PDIK1L: variants seen among roughly 807,000 people sequenced by gnomAD.
PDIK1L encodes the protein PDLIM1 interacting kinase 1 like.
Under a neutral mutation model 27.1 loss-of-function variants are expected in PDIK1L, and 9 were observed. The ratio of observed to expected loss-of-function variants is 0.33; its 90% CI spans 0.20 to 0.58. The LOEUF (loss-of-function observed/expected upper bound fraction) is 0.58, where lower values mean the gene tolerates loss of function less well. PDIK1L is among the 20% of genes least tolerant of loss of function. The pLI is 0.86. For missense variants in PDIK1L, 216 were observed against 413.2 expected, an observed-to-expected ratio of 0.52 and a Z score of 4.14; for synonymous variants, 130 against 141.7, an observed-to-expected ratio of 0.92 and a Z score of 0.59.
chr1:26,119,153 A>G lies in PDIK1L; in HGVS notation c.286-2684A>G, dbSNP rs947848393. Among the ~76,000 whole-genome samples the G allele has an allele frequency of 5.3e-5, 8 of 152,242 alleles. 1 individual carries two copies. Among genetic ancestry groups the G allele is most frequent in the African/African-American group, 9.6e-5 (4 of 41,466 alleles). On this transcript the variant is annotated intron_variant, in intron 2 of 2. Coordinates refer to ENST00000374269, the MANE Select transcript of PDIK1L (RefSeq NM_152835.5). The stretch of plus-strand genomic sequence containing the variant: ...CTGGACGCAGTGGCTTACGCCTGCA[A>G]TCCCAGCACTTTGGGAGGCTGAGGC...
intron 1 of PDIK1L, among the ~76,000 whole-genome samples, chr1:26,113,537 C>CA: frequency 1.4e-5 from 2 of 146,872 alleles, no homozygotes; most frequent in East Asian, 3.9e-4. Flanking sequence ...TTCTTTTCCA[C>CA]AAACTTTATT....
chr1:26,117,836 T>C (rs2087905707), intron 2 of PDIK1L, among the ~76,000 whole-genome samples: 1 of 152,050 alleles, frequency 6.6e-6, no homozygotes, highest in South Asian at 2.1e-4. Context: ...GGCAGGCAGA[T>C]CACTTGAGGC....
intron 2 of PDIK1L, among the ~76,000 whole-genome samples, chr1:26,118,693 C>T (rs1448488869): frequency 6.6e-6 from 1 of 152,176 alleles, no homozygotes; most frequent in Non-Finnish European, 1.5e-5. Flanking sequence ...GTAATTGGTA[C>T]CTCTATTAAA....
Position 26,114,324 on chromosome 1 carries a change from C to G in PDIK1L, c.16C>G (p.Pro6Ala). Residue 6 changes from proline to alanine, a missense_variant, in exon 2 of 3, where the codon CCA becomes GCA. Physicochemically the swap from Pro to Ala is conservative, Grantham distance 27. Coordinates refer to ENST00000374269, the MANE Select transcript of PDIK1L (RefSeq NM_152835.5). This position sits in a 1 kb window ranked among gnomAD's most constrained non-coding sequence, Gnocchi z 4.8. The part of the protein sequence containing the change: MVSSQ[P>A]KYDLIREVGR... The stretch of plus-strand genomic sequence containing the variant: ...GACCTTGAAGATGGTGAGTAGCCAG[C>G]CAAAGTACGATCTAATACGGGAGGT... The G allele has an allele frequency of 6.2e-7, 1 of 1,610,126 alleles. No homozygotes were observed. Among genetic ancestry groups the G allele is most frequent in the Non-Finnish European group, 8.5e-7 (1 of 1,176,612 alleles).
chr1:26,117,152 C>T (rs2087893377), intron 2 of PDIK1L, among the ~76,000 whole-genome samples: 3 of 151,262 alleles, frequency 2.0e-5, no homozygotes, highest in African/African-American at 7.3e-5. Context: ...CTGGCTCAAC[C>T]TCCTGAGTAG....
rs1489308982 is a variant in PDIK1L, at chr1:26,122,700, T to C, written c.*123T>C. On this transcript the variant is annotated 3_prime_UTR_variant, in exon 3 of 3. Coordinates refer to ENST00000374269, the MANE Select transcript of PDIK1L (RefSeq NM_152835.5). The surrounding 1 kb of genome is among the most constrained non-coding windows in gnomAD (Gnocchi z 5.4). Reference sequence around the variant, plus strand: ...ACCCTCTAAGGGTTTAGATTTTTTGTGGGATTTTTTTTTTCCTCATTTTTC... The same window carrying C: ...ACCCTCTAAGGGTTTAGATTTTTTGCGGGATTTTTTTTTTCCTCATTTTTC... The C allele has an allele frequency of 4.9e-6, 6 of 1,214,736 alleles. No individual in the cohort carries two copies. The East Asian group carries it at 1.3e-4, about 27-fold the overall frequency. The allele number at this position is 1,214,736 out of a possible 1,614,324, so 75.2% of individuals were successfully genotyped here.
At position 26,122,292 on chromosome 1, in the gene PDIK1L, C is replaced by T. The variant is rs758421495; in HGVS notation, c.741C>T (p.Ile247=). Residue 247 remains isoleucine (I), a synonymous_variant, in exon 3 of 3, where the codon ATC becomes ATT. Coordinates refer to ENST00000374269, the MANE Select transcript of PDIK1L (RefSeq NM_152835.5). This position sits in a 1 kb window ranked among gnomAD's most constrained non-coding sequence, Gnocchi z 5.4. ...KADIFALGII[I]WAMLERITFI... is the part of the protein sequence containing the mutation. ...ACATCTTTGCTCTGGGGATTATCAT[C>T]TGGGCAATGCTGGAAAGGATCACAT... The T allele has an allele frequency of 1.2e-6, 2 of 1,614,170 alleles. No individual in the cohort carries two copies. Among genetic ancestry groups the T allele is most frequent in the Admixed American group, 1.7e-5 (1 of 60,010 alleles).
intron 2 of PDIK1L, among the ~76,000 whole-genome samples, chr1:26,117,150 ACCT>A (rs2087893322): frequency 6.7e-6 from 1 of 148,834 alleles, no homozygotes; most frequent in South Asian, 2.1e-4. Context: ...TCCTGGCTCA[ACCT>A]CCTGAGTAGT....
At chr1:26,120,941 A>G (rs2087972175) in intron 2 of PDIK1L, among the ~76,000 whole-genome samples, 1 of 115,490 alleles carries the variant, frequency 8.7e-6, no homozygotes, top group African/African-American at 3.2e-5. Flanking sequence ...ACAGAGCAAG[A>G]CTCCGTCTCA....
upstream of PDIK1L, chr1:26,111,223 C>T: frequency 6.4e-6 from 1 of 155,404 alleles, no homozygotes; most frequent in Non-Finnish European, 1.4e-5. The surrounding 1 kb of genome is among the most constrained non-coding windows in gnomAD (Gnocchi z 4.0). Context: ...AACTGCACCG[C>T]CCGCAAACAT....
intron 1 of PDIK1L, among the ~76,000 whole-genome samples, chr1:26,113,724 G>A (rs2087837085): frequency 6.6e-6 from 1 of 152,070 alleles, no homozygotes; most frequent in South Asian, 2.1e-4. Flanking sequence ...TAACTGTGAG[G>A]GGGTTTTGTT....
At chr1:26,117,071 G>A (rs1460650205) in intron 2 of PDIK1L, among the ~76,000 whole-genome samples, 1 of 124,250 alleles carries the variant, frequency 8.0e-6, no homozygotes, top group African/African-American at 3.2e-5. Flanking sequence ...TTGCTCTGTC[G>A]CTCAGGCTGG....
At chr1:26,115,617 C>T (rs977169257) in intron 2 of PDIK1L, among the ~76,000 whole-genome samples, 18 of 151,882 alleles carry the variant, frequency 1.2e-4, no homozygotes, top group Admixed American at 3.3e-4. Context: ...CTGGCTAACA[C>T]GGTGAAACCC....
Position 26,124,658 on chromosome 1 carries a change from A to C in PDIK1L, c.*2081A>C, listed in dbSNP as rs1215972903. 1 of 152,192 alleles carries C rather than the reference A, an allele frequency of 6.6e-6. No individual in the cohort carries two copies. 9.4% of individuals were successfully genotyped at this position (152,192 alleles called of 1,614,324 possible). On this transcript the variant is annotated 3_prime_UTR_variant, in exon 3 of 3. Coordinates refer to ENST00000374269, the MANE Select transcript of PDIK1L (RefSeq NM_152835.5). ...TTACTTGGAAAGATTTTACCTGTGAAGTGAAATTCTTTCATTGGGGGTAAG... is the reference window on the plus strand; with the variant it reads ...TTACTTGGAAAGATTTTACCTGTGACGTGAAATTCTTTCATTGGGGGTAAG...
chr1:26,114,050 A>G lies in PDIK1L; in HGVS notation c.-17-242A>G, dbSNP rs956090627. ...ACCATAATAGTATCTATCTCATCAG[A>G]TTATTATGAGGATTAACTGAATTTA... On this transcript the variant is annotated intron_variant, in intron 1 of 2. Transcript: ENST00000374269. The surrounding 1 kb of genome is among the most constrained non-coding windows in gnomAD (Gnocchi z 4.8). Among the ~76,000 whole-genome samples, 3 of 152,196 alleles carry G rather than the reference A, an allele frequency of 2.0e-5. No homozygotes were observed. Among genetic ancestry groups the G allele is most frequent in the African/African-American group, 7.2e-5 (3 of 41,432 alleles).
intron 2 of PDIK1L, among the ~76,000 whole-genome samples, chr1:26,116,602 T>A (rs1212164772): frequency 6.6e-6 from 1 of 152,242 alleles, no homozygotes; most frequent in African/African-American, 2.4e-5. Context: ...CACGAATGTA[T>A]GTATTAAGAA....
intron 2 of PDIK1L, among the ~76,000 whole-genome samples, chr1:26,120,875 C>T (rs1379055333): frequency 1.3e-5 from 2 of 151,174 alleles, no homozygotes; most frequent in Non-Finnish European, 2.9e-5. Context: ...TCTCTTGAAC[C>T]TGGGAGGCGG....
upstream of PDIK1L, among the ~76,000 whole-genome samples, chr1:26,111,603 C>T (rs911177966): frequency 1.3e-5 from 2 of 151,456 alleles, no homozygotes; most frequent in Non-Finnish European, 3.0e-5. The surrounding 1 kb of genome is among the most constrained non-coding windows in gnomAD (Gnocchi z 4.0). Flanking sequence ...GCCACCCCTG[C>T]GGGGAGCAGC....
intron 2 of PDIK1L, 134 bp from the exon 3 acceptor site, chr1:26,121,703 A>G (rs2124474810): frequency 1.1e-6 from 1 of 931,608 alleles, no homozygotes; most frequent in Non-Finnish European, 1.5e-6. Context: ...ATTTGAAAGC[A>G]CTGATTAAAT....
Sources: allele counts gnomAD v4.1 joint callset (sites outside exome capture counted in the v4.1 genomes callset), GRCh38; gene constraint gnomAD v4.1.1; non-coding constraint Gnocchi (gnomAD v3.1); transcripts MANE v1.5; gene names NCBI Gene and HGNC (gene_info 2026-07-23, HGNC 2026-07-21).